Variants in AGMO observed in about 807,000 individuals in gnomAD.
AGMO encodes glyceryl-ether monooxygenase.
AGMO carries 75 observed loss-of-function variants against 60.2 expected under a neutral mutation model. The ratio of observed to expected loss-of-function variants is 1.25; its 90% confidence interval spans 1.03 to 1.51. AGMO has a LOEUF of 1.51. Ranked by LOEUF, AGMO falls within the 40% of genes most tolerant of loss-of-function variation. AGMO has a pLI of 0.00. For missense variants in AGMO, 763 were observed against 525.5 expected (o/e 1.45, Z -4.42); for synonymous variants, 261 against 177.1 (o/e 1.47, Z -3.76).
chr7:15,200,216 A>C (rs1781240944), downstream of AGMO: 2 of 151,890 alleles, frequency 1.3e-5, no homozygotes, highest in Non-Finnish European at 2.9e-5. Flanking sequence ...AACTTTTTCC[A>C]GTTCTCATTC....
At chr7:15,144,174 G>C in the AGMO span, among the ~76,000 whole-genome samples, 11 of 151,882 alleles carry the variant, frequency 7.2e-5, no homozygotes, top group Non-Finnish European at 1.5e-4. Flanking sequence ...TAGATTCTGT[G>C]GGTTTTTTTT....
the AGMO span, among the ~76,000 whole-genome samples, chr7:15,180,374 A>G: frequency 8.5e-5 from 13 of 152,252 alleles, no homozygotes; most frequent in East Asian, 2.3e-3. Flanking sequence ...TCATCACTCT[A>G]GAGTTCTGAA....
intron 12 of AGMO, among the ~76,000 whole-genome samples, chr7:15,256,396 A>G (rs1188359260): frequency 3.3e-5 from 5 of 152,032 alleles, no homozygotes; most frequent in African/African-American, 1.2e-4. Flanking sequence ...AGGCTGGAGT[A>G]CGGTGGCGCA....
At chr7:15,321,963 A>C (rs900669535) in intron 12 of AGMO, among the ~76,000 whole-genome samples, 1 of 151,982 alleles carries the variant, frequency 6.6e-6, no homozygotes, top group Non-Finnish European at 1.5e-5. Flanking sequence ...TGAGAATTAT[A>C]AATTCATTAA....
At chr7:15,465,220 G>T (rs551253134) in intron 3 of AGMO, among the ~76,000 whole-genome samples, 3 of 151,916 alleles carry the variant, frequency 2.0e-5, no homozygotes, top group African/African-American at 2.4e-5. Context: ...ATGTGGGCTC[G>T]CCAGGACCAA....
chr7:15,199,177 A>G (rs1250005898), downstream of AGMO, among the ~76,000 whole-genome samples: 4 of 152,092 alleles, frequency 2.6e-5, no homozygotes, highest in African/African-American at 9.7e-5. Context: ...CACTGTTATA[A>G]TTTTTGTATA....
chr7:15,342,131 T>C (rs955855008), intron 12 of AGMO, among the ~76,000 whole-genome samples: 2 of 128,752 alleles, frequency 1.6e-5, no homozygotes, highest in Admixed American at 1.9e-4. Context: ...TGTGACTGGG[T>C]GAATTGCCTC....
the AGMO span, among the ~76,000 whole-genome samples, chr7:15,120,969 C>T: frequency 1.3e-5 from 2 of 152,032 alleles, no homozygotes; most frequent in South Asian, 2.1e-4. Flanking sequence ...CTCTCCCTTC[C>T]CTTTCTGCCC....
intron 12 of AGMO, among the ~76,000 whole-genome samples, chr7:15,342,172 TAAAAAAAAAAA>T (rs775057626): frequency 1.3e-4 from 7 of 54,304 alleles, no homozygotes; most frequent in African/African-American, 1.9e-4. Flanking sequence ...CCCACAGAGT[TAAAAAAAAAAA>T]AAAAAAAAAA....
At chr7:15,223,890 A>AT (rs144984657) in intron 12 of AGMO, among the ~76,000 whole-genome samples, 3,282 of 152,166 alleles carry the variant, frequency 0.022, 116 homozygotes, top group African/African-American at 0.075. Flanking sequence ...AATGTCACAA[A>AT]TGTTTTCATC....
intron 12 of AGMO, among the ~76,000 whole-genome samples, chr7:15,228,460 A>T (rs1782154576): frequency 6.6e-6 from 1 of 152,142 alleles, no homozygotes; most frequent in African/African-American, 2.4e-5. Flanking sequence ...GAAGTAAGGG[A>T]AGGTTGAACA....
chr7:15,335,589 G>A (rs1485497138), intron 12 of AGMO, among the ~76,000 whole-genome samples: 1 of 152,130 alleles, frequency 6.6e-6, no homozygotes, highest in African/African-American at 2.4e-5. Context: ...AAACCTGCCA[G>A]CATCTTTGTG....
At chr7:15,551,367 G>A (rs1784955239) in intron 2 of AGMO, among the ~76,000 whole-genome samples, 1 of 149,912 alleles carries the variant, frequency 6.7e-6, no homozygotes, top group African/African-American at 2.5e-5. Flanking sequence ...AGGAAAAGAG[G>A]AAGTCAAATT....
chr7:15,275,934 G>C (rs1783773638), intron 12 of AGMO, among the ~76,000 whole-genome samples: 1 of 151,644 alleles, frequency 6.6e-6, no homozygotes, highest in South Asian at 2.1e-4. Context: ...TTCGTCATTA[G>C]GTAGTTTCTT....
intron 4 of AGMO, among the ~76,000 whole-genome samples, chr7:15,429,944 A>G (rs1781179376): frequency 1.3e-5 from 2 of 152,048 alleles, no homozygotes; most frequent in African/African-American, 4.8e-5. Flanking sequence ...ATATGGAGGC[A>G]TGTAGAAGAG....
intron 12 of AGMO, among the ~76,000 whole-genome samples, chr7:15,322,551 T>G (rs1781165140): frequency 1.6e-5 from 1 of 61,292 alleles, no homozygotes; most frequent in Non-Finnish European, 2.7e-5. Context: ...TATATAAATA[T>G]ATATAAATAT....
At chr7:15,354,730 C>T (rs538251403) in intron 12 of AGMO, among the ~76,000 whole-genome samples, 6 of 150,588 alleles carry the variant, frequency 4.0e-5, no homozygotes, top group African/African-American at 1.5e-4. Flanking sequence ...AAATGCAAAG[C>T]TTTATTATAT....
the AGMO span, among the ~76,000 whole-genome samples, chr7:15,160,457 T>C: frequency 6.6e-6 from 1 of 152,308 alleles, no homozygotes; most frequent in East Asian, 1.9e-4. Flanking sequence ...TAACGAGAAC[T>C]GTATATTTGT....
At chr7:15,477,758 A>G (rs1348213221) in intron 3 of AGMO, among the ~76,000 whole-genome samples, 1 of 152,108 alleles carries the variant, frequency 6.6e-6, no homozygotes, top group East Asian at 1.9e-4. Flanking sequence ...TTTCTTTTCT[A>G]ATTTTGTCAT....
Sources: gnomAD v4.1 joint callset for allele counts (sites outside exome capture counted in the v4.1 genomes callset) on GRCh38, gnomAD v4.1.1 for gene constraint, MANE v1.5 for transcripts, NCBI Gene and HGNC (gene_info 2026-07-23, HGNC 2026-07-21) for gene names.